The following EPHA7 variants were observed in gnomAD, a reference collection of about 807,000 sequenced individuals.
The protein encoded by EPHA7 is ephrin type-A receptor 7.
A neutral mutation model predicts 112.6 loss-of-function variants in EPHA7; 25 were observed. The observed-to-expected ratio is 0.22, with a 90% CI of 0.16 to 0.31. The LOEUF is 0.31. Among genes scored for constraint, EPHA7 ranks in the 10% least tolerant of loss-of-function variants. The pLI, the probability that EPHA7 is intolerant of heterozygous loss-of-function variation, is 1.00. For missense variants in EPHA7, 962 were observed against 1,212.6 expected (o/e 0.79, Z 3.07); for synonymous variants, 437 against 406.5 (o/e 1.07, Z -0.90).
chr6:93,390,238 C>T (rs1251472635), intron 3 of EPHA7, among the ~76,000 whole-genome samples: 1 of 137,968 alleles, frequency 7.2e-6, no homozygotes, highest in East Asian at 2.1e-4. Context: ...AAAATCAGTA[C>T]AGTAAAAAAA....
chr6:93,375,353 C>A (rs1254944686), intron 3 of EPHA7, among the ~76,000 whole-genome samples: 3 of 151,996 alleles, frequency 2.0e-5, no homozygotes, highest in African/African-American at 7.2e-5. Context: ...TGGTGGCTCA[C>A]ACCTGTAATC....
At chr6:93,269,940 T>C (rs1771130404) in intron 6 of EPHA7, among the ~76,000 whole-genome samples, 1 of 151,758 alleles carries the variant, frequency 6.6e-6, no homozygotes, top group Admixed American at 6.6e-5. Context: ...TATTTAGCCA[T>C]AATATAATAA....
intron 3 of EPHA7, among the ~76,000 whole-genome samples, chr6:93,360,232 A>C (rs926449411): frequency 6.6e-5 from 10 of 152,086 alleles, no homozygotes; most frequent in Admixed American, 2.0e-4. Context: ...AACAGAAAGG[A>C]TAAAGGGTTT....
intron 3 of EPHA7, chr6:93,409,918 A>AC (rs1778895115): frequency 6.6e-6 from 1 of 151,524 alleles, no homozygotes; most frequent in African/African-American, 2.4e-5. Flanking sequence ...AAAAAAAAAA[A>AC]AAAAAAACAC....
At chr6:93,398,780 A>G (rs1208583484) in intron 3 of EPHA7, among the ~76,000 whole-genome samples, 2 of 152,056 alleles carry the variant, frequency 1.3e-5, no homozygotes, top group African/African-American at 4.8e-5. Context: ...AAGGAGGGAA[A>G]TGATCCAATT....
intron 3 of EPHA7, among the ~76,000 whole-genome samples, chr6:93,380,073 C>CA (rs1446773229): frequency 6.6e-6 from 1 of 151,958 alleles, no homozygotes; most frequent in East Asian, 1.9e-4. Context: ...GCCTCAGTGA[C>CA]AAAACAGATT....
chr6:93,316,271 A>G (rs1183328125), intron 5 of EPHA7, among the ~76,000 whole-genome samples: 1 of 152,186 alleles, frequency 6.6e-6, no homozygotes, highest in Non-Finnish European at 1.5e-5. Flanking sequence ...ATGTTTAAGA[A>G]TAATTGCAAT....
intron 5 of EPHA7, among the ~76,000 whole-genome samples, chr6:93,339,447 C>A (rs1775035806): frequency 6.6e-6 from 1 of 151,802 alleles, no homozygotes. Flanking sequence ...TCTACTACAT[C>A]AACACCACTA....
Position 93,272,331 on chromosome 6 carries a change from G to A in EPHA7, c.1416C>T (p.Val472=). The A allele has an allele frequency of 6.2e-7, 1 of 1,612,036 alleles. No homozygotes were observed. Among genetic ancestry groups the A allele is most frequent in the Non-Finnish European group, 8.5e-7 (1 of 1,178,608 alleles). Residue 472 remains valine, a synonymous_variant, in exon 6 of 17, where the codon GTC becomes GTT. Transcript: ENST00000369303. ...SWQEPEHPNG[V]ITEYEIKYYE... ...AATACTTGATTTCATATTCTGTGATGACTCCATTGGGATGCTCTGGTTCCT... is the reference window on the plus strand; with the variant it reads ...AATACTTGATTTCATATTCTGTGATAACTCCATTGGGATGCTCTGGTTCCT...
rs749977607 is a variant in EPHA7, at chr6:93,264,712, G to A, written c.1634-10C>T. On this transcript the variant is annotated splice_polypyrimidine_tract_variant and intron_variant, in intron 7 of 16. Transcript: ENST00000369303. ...CTGGAGACAGCTGTAGCTGTAAACA[G>A]AGGAAATAGGCTCAGAAATACTTGA... 1 of 1,547,286 alleles carries A rather than the reference G, an allele frequency of 6.5e-7. No homozygotes were observed. Among genetic ancestry groups the A allele is most frequent in the Non-Finnish European group, 8.8e-7 (1 of 1,134,322 alleles).
chr6:93,342,745 A>G (rs762305806), intron 5 of EPHA7, among the ~76,000 whole-genome samples: 1 of 151,688 alleles, frequency 6.6e-6, no homozygotes, highest in Non-Finnish European at 1.5e-5. Flanking sequence ...TCTAATTTCT[A>G]TATTGAGTTA....
At chr6:93,261,689 T>C (rs934998753) in intron 9 of EPHA7, among the ~76,000 whole-genome samples, 1 of 151,568 alleles carries the variant, frequency 6.6e-6, no homozygotes, top group Non-Finnish European at 1.5e-5. Context: ...ATTATTTTGA[T>C]TTCTCATGAA....
At chr6:93,377,465 G>C (rs1777117532) in intron 3 of EPHA7, among the ~76,000 whole-genome samples, 1 of 150,156 alleles carries the variant, frequency 6.7e-6, no homozygotes, top group Non-Finnish European at 1.5e-5. Context: ...TAAAATATTA[G>C]GTTTTCTTCA....
intron 5 of EPHA7, among the ~76,000 whole-genome samples, chr6:93,310,682 G>A (rs937417883): frequency 1.3e-5 from 2 of 151,550 alleles, no homozygotes; most frequent in African/African-American, 2.4e-5. Flanking sequence ...AAAAAGTTAC[G>A]TTTACATTAA....
chr6:93,257,411 T>C (rs767188654), intron 12 of EPHA7, 51 bp downstream of exon 12: 84 of 1,371,622 alleles, frequency 6.1e-5, no homozygotes, highest in Admixed American at 8.7e-5. Context: ...TAAAATTATA[T>C]TGGTAGCAAG....
intron 5 of EPHA7, among the ~76,000 whole-genome samples, chr6:93,312,958 G>T (rs764776903): frequency 6.6e-6 from 1 of 152,114 alleles, no homozygotes; most frequent in East Asian, 1.9e-4. Flanking sequence ...AATTAAGTTT[G>T]CTATCTTATA....
At position 93,414,750 on chromosome 6, in the gene EPHA7, T is replaced by C; in HGVS notation, c.115A>G (p.Lys39Glu). ...CACTCCAACTCTGTTTGTTGTGCTT[T>C]AGAATCCAGCAGTAGTACTGAAAAA... ...AAKEVLLLDS[K>E]AQQTELEWIS... Residue 39 changes from lysine (K) to glutamate (E), a missense_variant, in exon 2 of 17, where the codon AAA becomes GAA. Physicochemically the swap from Lys to Glu is moderately conservative, Grantham distance 56. Coordinates refer to ENST00000369303, the MANE Select transcript of EPHA7 (RefSeq NM_004440.4). The C allele has an allele frequency of 6.2e-7, 1 of 1,612,654 alleles. No homozygotes were observed. The highest frequency in any genetic ancestry group is 8.5e-7 in the Non-Finnish European group (1 of 1,179,128).
intron 9 of EPHA7, 99 bp downstream of exon 9, chr6:93,263,761 T>A (rs1460011996): frequency 3.1e-5 from 26 of 832,832 alleles, no homozygotes. Flanking sequence ...TGGTATAATT[T>A]CAAGCATGAT....
chr6:93,342,440 T>C (rs1775186314), intron 5 of EPHA7, among the ~76,000 whole-genome samples: 1 of 151,824 alleles, frequency 6.6e-6, no homozygotes, highest in South Asian at 2.1e-4. Context: ...TCTATGCTCA[T>C]ACTATAATGG....
Sources: gnomAD v4.1 joint callset for allele counts (sites outside exome capture counted in the v4.1 genomes callset) on GRCh38, gnomAD v4.1.1 for gene constraint, MANE v1.5 for transcripts, NCBI Gene and HGNC (gene_info 2026-07-23, HGNC 2026-07-21) for gene names.